Variants in DBN1 observed in about 807,000 individuals in gnomAD.
DBN1 encodes drebrin.
Under a neutral mutation model 83.5 loss-of-function variants are expected in DBN1, and 21 were observed. That is an observed-to-expected ratio of 0.25 (90% CI 0.18 to 0.36). The LOEUF (loss-of-function observed/expected upper bound fraction) is 0.36, where lower values mean the gene tolerates loss of function less well. Ranked by LOEUF, DBN1 falls within the 10% of genes least tolerant of loss-of-function variation. The pLI, the probability that DBN1 is intolerant of heterozygous loss-of-function variation, is 1.00. For missense variants in DBN1, 874 were observed against 935.7 expected (o/e 0.93, Z 0.86); for synonymous variants, 381 against 384.9 (o/e 0.99, Z 0.12).
intron 8 of DBN1, chr5:177,462,167 C>A: frequency 1.0e-6 from 1 of 968,746 alleles, no homozygotes; most frequent in Non-Finnish European, 1.2e-6. Flanking sequence ...CCACCCCTGC[C>A]TGACCTAGCC....
chr5:177,470,811 C>G (rs1220254395), intron 1 of DBN1, among the ~76,000 whole-genome samples: 3 of 152,212 alleles, frequency 2.0e-5, no homozygotes, highest in African/African-American at 7.2e-5. Flanking sequence ...TGCTTCTCAA[C>G]CACATCAGAG....
At chr5:177,472,074 GGCC>G (rs1757883911) in intron 1 of DBN1, 2 of 1,583,960 alleles carry the variant, frequency 1.3e-6, no homozygotes, top group Non-Finnish European at 8.6e-7. Flanking sequence ...ACAATGGGTG[GGCC>G]GCCTGCCTGC....
intron 1 of DBN1, among the ~76,000 whole-genome samples, chr5:177,471,385 C>T (rs186481363): frequency 6.6e-6 from 1 of 152,118 alleles, no homozygotes; most frequent in African/African-American, 2.4e-5. Context: ...TTTCCTGGGT[C>T]CCCTGCTCCC....
chr5:177,458,783 G>T, intron 12 of DBN1, 76 bp from the exon 13 acceptor site: 1 of 1,338,186 alleles, frequency 7.5e-7, no homozygotes, highest in Non-Finnish European at 9.9e-7. Context: ...ACCCACTAAG[G>T]AGTGAGGGAG....
Position 177,473,476 on chromosome 5 carries a change from C to A in DBN1, c.46G>T (p.Ala16Ser). The change falls in exon 1 of 15, where the codon GCT becomes TCT. Residue 16 changes from alanine to serine, a missense_variant. Ala to Ser is a moderately conservative substitution (Grantham distance 99). This residue lies in a region of DBN1 where 82 missense variants were observed against 101.7 expected (regional missense o/e 0.81). Transcript: ENST00000393565. ...FSGHRLELLAAYEEVIREESA... is the reference protein window; with the variant it reads ...FSGHRLELLASYEEVIREESA... Reference sequence around the variant, plus strand: ...TCCTCTCGGATCACCTCCTCGTAAGCCGCCAGCAGCTCCAGGCGGTGGCCG... The same window carrying A: ...TCCTCTCGGATCACCTCCTCGTAAGACGCCAGCAGCTCCAGGCGGTGGCCG... The A allele has an allele frequency of 7.0e-7, 1 of 1,434,916 alleles. No individual in the cohort carries two copies. The highest frequency in any genetic ancestry group is 9.2e-7 in the Non-Finnish European group (1 of 1,087,224). 88.9% of individuals were successfully genotyped at this position (1,434,916 alleles called of 1,614,324 possible). A position where few individuals can be genotyped will look rare whatever the true frequency, so the allele number is the denominator to read the frequency against.
At position 177,466,732 on chromosome 5, in the gene DBN1, T is replaced by A; in HGVS notation, c.771+40A>T. The A allele has an allele frequency of 6.2e-7, 1 of 1,611,114 alleles. No homozygotes were observed. The highest frequency in any genetic ancestry group is 8.5e-7 in the Non-Finnish European group (1 of 1,177,280). ...CAGGAACACAGGGACCATTCTCACT[T>A]CCCTGACCCAGAGACCGGGAGCCTT... On this transcript the variant is annotated intron_variant, in intron 8 of 14. Coordinates refer to ENST00000393565, the MANE Select transcript of DBN1 (RefSeq NM_001363541.2). The surrounding 1 kb of genome is among the most constrained non-coding windows in gnomAD (Gnocchi z 4.8).
At position 177,467,332 on chromosome 5, in the gene DBN1, C is replaced by T. The variant is rs1043417494; in HGVS notation, c.478G>A (p.Gly160Ser). 1.2e-6 allele frequency: 2 copies of T among 1,614,170 alleles called. No homozygotes were observed. ...LREDENAEPV[G>S]TTYQKTDAAV... ...GCATCCGTCTTCTGGTAGGTGGTGC[C>T]CTGCAGTGTCGAAGGACCCAGCATA... Residue 160 changes from glycine to serine, a missense_variant and splice_region_variant, in exon 6 of 15, where the codon GGC (glycine) becomes AGC (serine). This residue lies in a region of DBN1 where 725 missense variants were observed against 719.7 expected (regional missense o/e 1.01). Transcript: ENST00000393565. The surrounding 1 kb of genome is among the most constrained non-coding windows in gnomAD (Gnocchi z 9.1).
chr5:177,459,614 G>A lies in DBN1; in HGVS notation c.1082C>T (p.Ser361Phe). The change falls in exon 11 of 15, where the codon TCC becomes TTC. Residue 361 changes from serine (S) to phenylalanine (F), a missense_variant. Physicochemically the swap from Ser to Phe is radical, Grantham distance 155. Around this residue, in one of 4 missense-constraint regions of DBN1, gnomAD observed 725 missense variants for 719.7 expected, o/e 1.01. Coordinates refer to ENST00000393565, the MANE Select transcript of DBN1 (RefSeq NM_001363541.2). ...GGGCTGCTACCTACATGGGAGGGAG[G>A]AAGAGAGGTTTGGGGTGCGGTGGCA... Reference protein sequence around the residue: ...ITCHRTPNLSSSLPCSHLDSH... With the variant: ...ITCHRTPNLSFSLPCSHLDSH... The A allele has an allele frequency of 2.6e-6, 4 of 1,544,896 alleles. No homozygotes were observed. The highest frequency in any genetic ancestry group is 2.6e-6 in the Non-Finnish European group (3 of 1,144,484).
At chr5:177,460,993 G>A (rs936787222) in intron 8 of DBN1, among the ~76,000 whole-genome samples, 1 of 151,964 alleles carries the variant, frequency 6.6e-6, no homozygotes, top group Non-Finnish European at 1.5e-5. Context: ...TGCCCAGGCT[G>A]GTCTCAAACT....
At position 177,473,465 on chromosome 5, in the gene DBN1, C is replaced by T. The variant is rs1194290093; in HGVS notation, c.57G>A (p.Glu19=). ...CGGCCGCGCTCTCCTCTCGGATCACCTCCTCGTAAGCCGCCAGCAGCTCCA... is the reference window on the plus strand; with the variant it reads ...CGGCCGCGCTCTCCTCTCGGATCACTTCCTCGTAAGCCGCCAGCAGCTCCA... ...HRLELLAAYE[E]VIREESAADW... is the part of the protein sequence containing the mutation. The change falls in exon 1 of 15, where the codon GAG becomes GAA. Residue 19 remains glutamate, a synonymous_variant. Transcript: ENST00000393565. The T allele has an allele frequency of 7.0e-7, 1 of 1,436,588 alleles. No individual in the cohort carries two copies. Among genetic ancestry groups the T allele is most frequent in the South Asian group, 1.3e-5 (1 of 74,076 alleles). 89.0% of individuals were successfully genotyped at this position (1,436,588 alleles called of 1,614,324 possible). A position where few individuals can be genotyped will look rare whatever the true frequency, so the allele number is the denominator to read the frequency against.
intron 8 of DBN1, among the ~76,000 whole-genome samples, chr5:177,465,410 G>A (rs1048270399): frequency 4.6e-5 from 7 of 152,210 alleles, no homozygotes; most frequent in Non-Finnish European, 1.0e-4. Context: ...TGGAATGGTC[G>A]TTGCCAGGAG....
At position 177,458,561 on chromosome 5, in the gene DBN1, C is replaced by G. The variant is rs1377072019; in HGVS notation, c.1411G>C (p.Glu471Gln). 2 of 1,614,020 alleles carry G rather than the reference C, an allele frequency of 1.2e-6. No homozygotes were observed. The highest frequency in any genetic ancestry group is 1.7e-6 in the Non-Finnish European group (2 of 1,180,016). ...GSPAEDLMFM[E>Q]SAEQAVLAAP... ...GCCAGGACAGCCTGCTCTGCAGACT[C>G]CATGAACATCAAGTCCTCTGCAGGG... The change falls in exon 13 of 15, where the codon GAG (glutamate) becomes CAG (glutamine). Residue 471 changes from glutamate to glutamine, a missense_variant. Coordinates refer to ENST00000393565, the MANE Select transcript of DBN1 (RefSeq NM_001363541.2).
chr5:177,458,270 G>C lies in DBN1; in HGVS notation c.1702C>G (p.Pro568Ala). ...AGGGTGGCACAGCCTTCGCCTGCTGGCAGCAGTGGCTCCGGAGCCACCTCA... is the reference window on the plus strand; with the variant it reads ...AGGGTGGCACAGCCTTCGCCTGCTGCCAGCAGTGGCTCCGGAGCCACCTCA... ...LDEVAPEPLLPAGEGCATLLN... is the reference protein window; with the variant it reads ...LDEVAPEPLLAAGEGCATLLN... Residue 568 changes from proline (P) to alanine (A), a missense_variant, in exon 13 of 15, where the codon CCA (proline) becomes GCA (alanine). Around this residue, in one of 4 missense-constraint regions of DBN1, gnomAD observed 725 missense variants for 719.7 expected, o/e 1.01. Coordinates refer to ENST00000393565, the MANE Select transcript of DBN1 (RefSeq NM_001363541.2). The C allele has an allele frequency of 6.2e-7, 1 of 1,613,760 alleles. No individual in the cohort carries two copies. Among genetic ancestry groups the C allele is most frequent in the Non-Finnish European group, 8.5e-7 (1 of 1,179,882 alleles).
In DBN1 at chr5:177,472,844, C is replaced by G. The variant is rs571831702; in HGVS notation, c.86+592G>C. On this transcript the variant is annotated intron_variant, in intron 1 of 14. Transcript: ENST00000393565. ...CGGTCGCCATGTGGCAGCAAACATC[C>G]TTCCACCTCACTCCAGCCCAGGTTT... 10 of 986,112 alleles carry G rather than the reference C, an allele frequency of 1.0e-5. 1 individual carries two copies. In the African/African-American group the frequency reaches 1.6e-4, roughly 15 times the overall value. The allele number at this position is 986,112 out of a possible 1,614,324, so 61.1% of individuals were successfully genotyped here.
intron 13 of DBN1, 54 bp downstream of exon 13, chr5:177,458,004 C>A: frequency 6.2e-7 from 1 of 1,607,164 alleles, no homozygotes. Context: ...GGGCCAGCAC[C>A]CTGCTCAGCC....
chr5:177,458,144 A>C lies in DBN1; in HGVS notation c.1828T>G (p.Ser610Ala), dbSNP rs139935466. 1,288 of 1,613,004 alleles carry C rather than the reference A, an allele frequency of 8.0e-4. 15 individuals are homozygous for C. In the African/African-American group the frequency reaches 0.015, roughly 19 times the overall value. ...TCTTGCTCCAGCTCCTCAAGGGCTGAGGGCAGAGTTGGGGTCTGGGGGGCA... is the reference window on the plus strand; with the variant it reads ...TCTTGCTCCAGCTCCTCAAGGGCTGCGGGCAGAGTTGGGGTCTGGGGGGCA... ...LAAPQTPTLP[S>A]ALEELEQEQE... Residue 610 changes from serine to alanine, a missense_variant, in exon 13 of 15, where the codon TCA becomes GCA. Ser to Ala is a moderately conservative substitution (Grantham distance 99, BLOSUM62 1). Coordinates refer to ENST00000393565, the MANE Select transcript of DBN1 (RefSeq NM_001363541.2).
rs752471209 is a variant in DBN1, at chr5:177,457,269, G to C, written c.*164C>G. ...TTAAAAAAAGAGAAAAGCTGTAAAA[G>C]TCAGGCCCTGTGGGTAGGGAAGCGG... On this transcript the variant is annotated 3_prime_UTR_variant, in exon 15 of 15. Coordinates refer to ENST00000393565, the MANE Select transcript of DBN1 (RefSeq NM_001363541.2). The C allele has an allele frequency of 6.0e-6, 4 of 661,660 alleles. No homozygotes were observed. The highest frequency in any genetic ancestry group is 2.5e-5 in the Admixed American group (1 of 40,498). 41.0% of individuals were successfully genotyped at this position (661,660 alleles called of 1,614,324 possible).
intron 10 of DBN1, 136 bp downstream of exon 10, chr5:177,460,296 G>A (rs569736621): frequency 6.2e-6 from 8 of 1,299,556 alleles, no homozygotes; most frequent in East Asian, 4.7e-5. Context: ...AGTGGTGGGC[G>A]GATGCACGCT....
At position 177,463,919 on chromosome 5, in the gene DBN1, A is replaced by C. The variant is rs1757223585; in HGVS notation, c.771+2853T>G. Among the ~76,000 whole-genome samples the C allele has an allele frequency of 3.9e-5, 6 of 152,144 alleles. No homozygotes were observed. In the South Asian group the frequency reaches 1.2e-3, roughly 31 times the overall value. On this transcript the variant is annotated intron_variant, in intron 8 of 14. Coordinates refer to ENST00000393565, the MANE Select transcript of DBN1 (RefSeq NM_001363541.2). ...CACCTGAGGTCAGGAGTTTGAGACCAGCCTGGCCAACATGGTGAAACCCTG... is the reference window on the plus strand; with the variant it reads ...CACCTGAGGTCAGGAGTTTGAGACCCGCCTGGCCAACATGGTGAAACCCTG...
Sources: gnomAD v4.1 joint callset for allele counts (sites outside exome capture counted in the v4.1 genomes callset) on GRCh38, gnomAD v4.1.1 for gene constraint, gnomAD v4.1.1 regional missense constraint, Gnocchi (gnomAD v3.1) non-coding constraint, MANE v1.5 for transcripts, NCBI Gene and HGNC (gene_info 2026-07-23, HGNC 2026-07-21) for gene names.